Variants in CERS4 observed in about 807,000 individuals in gnomAD.
CERS4 encodes the protein ceramide synthase 4.
Under a neutral mutation model 51.8 loss-of-function variants are expected in CERS4, and 65 were observed. That is an observed-to-expected ratio of 1.26 (90% CI 1.03 to 1.54). The LOEUF (loss-of-function observed/expected upper bound fraction) is 1.54. Among genes scored for constraint, CERS4 ranks in the 40% most tolerant of loss-of-function variants. CERS4 has a pLI of 0.00. For synonymous variants in CERS4, 228 were observed against 208.4 expected, an observed-to-expected ratio of 1.09 and a Z score of -0.81; for missense variants, 563 against 500.4, an observed-to-expected ratio of 1.13 and a Z score of -1.19.
chr19:8,228,112 G>A (rs987567382), intron 2 of CERS4, among the ~76,000 whole-genome samples: 2 of 151,696 alleles, frequency 1.3e-5, no homozygotes, highest in Admixed American at 1.3e-4. Flanking sequence ...CGTCCATTTC[G>A]GCCTCCCAAA....
Position 8,256,977 on chromosome 19 carries a change from T to G in CERS4, c.641T>G (p.Phe214Cys). The G allele has an allele frequency of 6.2e-7, 1 of 1,614,132 alleles. No individual in the cohort carries two copies. The highest frequency in any genetic ancestry group is 8.5e-7 in the Non-Finnish European group (1 of 1,180,000). The change falls in exon 9 of 12, where the codon TTC (phenylalanine) becomes TGC (cysteine). Residue 214 changes from phenylalanine to cysteine, a missense_variant. Transcript: ENST00000251363. ...KDFKEQVIHH[F>C]VAVILMTFSY... ...TTCAAGGAGCAGGTGATACACCACT[T>G]CGTGGCGGTCATCCTGATGACCTTC...
intron 2 of CERS4, among the ~76,000 whole-genome samples, chr19:8,242,931 T>A (rs1968598984): frequency 6.6e-6 from 1 of 151,802 alleles, no homozygotes; most frequent in African/African-American, 2.4e-5. Context: ...TACCAAGGTG[T>A]GCAAGGATGC....
chr19:8,243,587 C>G (rs1229620100), intron 2 of CERS4, among the ~76,000 whole-genome samples: 1 of 152,116 alleles, frequency 6.6e-6, no homozygotes. Context: ...TCACTGATGC[C>G]TAAATGTCAG....
chr19:8,245,122 A>AAAAACAAAAAAAAAACAAAAAAAAAC lies in CERS4; in HGVS notation c.-1-5950_-1-5949insCAAAAAAAAAACAAAAAAAAACAAAA, dbSNP rs1555777239. Among the ~76,000 whole-genome samples the AAAAACAAAAAAAAAACAAAAAAAAAC allele has an allele frequency of 1.8e-3, 232 of 129,268 alleles. 4 individuals are homozygous for AAAAACAAAAAAAAAACAAAAAAAAAC. Among genetic ancestry groups the AAAAACAAAAAAAAAACAAAAAAAAAC allele is most frequent in the African/African-American group, 4.5e-3 (143 of 31,464 alleles). 84.8% of individuals were successfully genotyped at this position (129,268 alleles called of 152,430 possible). On this transcript the variant is annotated intron_variant, in intron 2 of 11. Transcript: ENST00000251363. Reference sequence around the variant, plus strand: ...GCGAGACTCCATCTCAAAAAAAAAAAAAAAAAAAAAAAACACTCTTGGCTT... The same window carrying AAAAACAAAAAAAAAACAAAAAAAAAC: ...GCGAGACTCCATCTCAAAAAAAAAAAAAAACAAAAAAAAAACAAAAAAAAACAAAAAAAAAAAAACACTCTTGGCTT...
intron 2 of CERS4, among the ~76,000 whole-genome samples, chr19:8,231,915 G>A (rs1030860959): frequency 3.6e-5 from 5 of 139,082 alleles, no homozygotes; most frequent in Non-Finnish European, 6.1e-5. Context: ...TGCAATCATA[G>A]CTTCTGGGCT....
chr19:8,219,455 A>G (rs1967439106), intron 2 of CERS4, among the ~76,000 whole-genome samples: 1 of 152,210 alleles, frequency 6.6e-6, no homozygotes, highest in Non-Finnish European at 1.5e-5. Context: ...GCTTGAGGCC[A>G]GGAGTTCGAG....
intron 4 of CERS4, 145 bp from the exon 5 acceptor site, chr19:8,255,462 A>C (rs1278765790): frequency 1.4e-6 from 1 of 733,036 alleles, no homozygotes; most frequent in Non-Finnish European, 2.3e-6. Flanking sequence ...GGGACCCCCA[A>C]CACTGCCCCT....
Position 8,251,100 on chromosome 19 carries a change from GT to G in CERS4, c.28del (p.Trp10GlyfsTer16). 1.2e-6 allele frequency: 2 copies of G among 1,607,084 alleles called. No homozygotes were observed. Among genetic ancestry groups the G allele is most frequent in the Non-Finnish European group, 8.5e-7 (1 of 1,177,232 alleles). MLSSFNEW[F>X]WQDRFWLPPN... ...GAATGCTGTCCAGTTTCAACGAGTG[GT>G]TTTGGCAGGACAGGTTCTGGTTACC... On this transcript the variant is annotated frameshift_variant, in exon 3 of 12. Coordinates refer to ENST00000251363, the MANE Select transcript of CERS4 (RefSeq NM_024552.3). LOFTEE classifies it high-confidence loss of function.
intron 2 of CERS4, among the ~76,000 whole-genome samples, chr19:8,240,282 G>A (rs1968469438): frequency 6.6e-6 from 1 of 152,252 alleles, no homozygotes; most frequent in South Asian, 2.1e-4. Flanking sequence ...GCTCAGGTAA[G>A]GCGGAACCTT....
intron 2 of CERS4, among the ~76,000 whole-genome samples, chr19:8,215,217 AC>A (rs1568495127): frequency 6.6e-6 from 1 of 151,982 alleles, no homozygotes; most frequent in East Asian, 1.9e-4. Context: ...GGTGGCTCAC[AC>A]CTGTGATCCC....
chr19:8,223,927 C>G (rs1005929288), intron 2 of CERS4, among the ~76,000 whole-genome samples: 1 of 143,960 alleles, frequency 6.9e-6, no homozygotes, highest in East Asian at 2.1e-4. Context: ...GGTAAAACCC[C>G]GTCTCTACTA....
chr19:8,238,945 AC>A (rs1195450844), intron 2 of CERS4, among the ~76,000 whole-genome samples: 2 of 152,018 alleles, frequency 1.3e-5, no homozygotes, highest in Admixed American at 6.6e-5. Flanking sequence ...CAAAAAAATA[AC>A]AAAAATTAGC....
chr19:8,241,898 C>T (rs778124106), intron 2 of CERS4, among the ~76,000 whole-genome samples: 1 of 152,120 alleles, frequency 6.6e-6, no homozygotes, highest in South Asian at 2.1e-4. Context: ...CAGAGGATGA[C>T]AGGGAACAAA....
At chr19:8,241,718 C>T (rs147233593) in intron 2 of CERS4, among the ~76,000 whole-genome samples, 1 of 152,254 alleles carries the variant, frequency 6.6e-6, no homozygotes, top group Non-Finnish European at 1.5e-5. Flanking sequence ...GGCCACGTTC[C>T]ATGCCTGGTA....
chr19:8,251,093 A>G lies in CERS4; in HGVS notation c.17A>G (p.Asn6Ser). Residue 6 changes from asparagine to serine, a missense_variant, in exon 3 of 12, where the codon AAC becomes AGC. By Grantham distance (46) the Asn-to-Ser change is conservative. Coordinates refer to ENST00000251363, the MANE Select transcript of CERS4 (RefSeq NM_024552.3). MLSSF[N>S]EWFWQDRFWL... ...GTCCACAGAATGCTGTCCAGTTTCA[A>G]CGAGTGGTTTTGGCAGGACAGGTTC... The G allele has an allele frequency of 6.2e-7, 1 of 1,604,534 alleles. No individual in the cohort carries two copies. Among genetic ancestry groups the G allele is most frequent in the Non-Finnish European group, 8.5e-7 (1 of 1,175,972 alleles).
chr19:8,237,458 G>A (rs552414946), intron 2 of CERS4, among the ~76,000 whole-genome samples: 4 of 152,172 alleles, frequency 2.6e-5, no homozygotes, highest in South Asian at 2.1e-4. Context: ...GGGAGGCTGC[G>A]GCAAGAGGAT....
chr19:8,258,886 C>G (rs1344856229), intron 10 of CERS4, among the ~76,000 whole-genome samples: 1 of 151,632 alleles, frequency 6.6e-6, no homozygotes, highest in Non-Finnish European at 1.5e-5. Flanking sequence ...GTCATCCCAG[C>G]ACTTTGGGAG....
intron 9 of CERS4, 50 bp downstream of exon 9, chr19:8,257,127 C>G (rs770258659): frequency 1.3e-6 from 2 of 1,527,974 alleles, no homozygotes; most frequent in Non-Finnish European, 1.8e-6. Context: ...CCCAGCCCTC[C>G]CAGGTGCCCC....
At chr19:8,244,337 CAG>C (rs1051570449) in intron 2 of CERS4, among the ~76,000 whole-genome samples, 4 of 152,230 alleles carry the variant, frequency 2.6e-5, no homozygotes, top group Admixed American at 6.5e-5. Context: ...GCCTGGAAGA[CAG>C]AGTGAGAGAT....
Sources: gnomAD v4.1 joint callset for allele counts (sites outside exome capture counted in the v4.1 genomes callset) on GRCh38, gnomAD v4.1.1 for gene constraint, MANE v1.5 for transcripts, NCBI Gene and HGNC (gene_info 2026-07-23, HGNC 2026-07-21) for gene names.